TMEM272: variants seen among roughly 807,000 people sequenced by gnomAD.
TMEM272 encodes the protein long intergenic non-protein coding RNA 282.
In TMEM272, 8 loss-of-function variants were observed where a neutral mutation model predicts 3.7. That is an observed-to-expected ratio of 2.17 (90% CI 1.27 to 3.91). The LOEUF (loss-of-function observed/expected upper bound fraction) is 3.91, where lower values mean the gene tolerates loss of function less well. Ranked by LOEUF, TMEM272 falls within the 30% of genes most tolerant of loss-of-function variation. TMEM272 has a pLI of 0.00. For missense variants in TMEM272, 166 were observed against 91.5 expected (o/e 1.81, Z -3.32); for synonymous variants, 63 against 39.8 (o/e 1.58, Z -2.20).
the TMEM272 span, among the ~76,000 whole-genome samples, chr13:51,877,935 A>G: frequency 6.6e-6 from 1 of 152,094 alleles, no homozygotes; most frequent in African/African-American, 2.4e-5. Context: ...CCCTCCTTGT[A>G]TTAGTTTGTT....
At chr13:51,839,327 T>C (rs1422997568) in intron 1 of TMEM272, among the ~76,000 whole-genome samples, 1 of 152,198 alleles carries the variant, frequency 6.6e-6, no homozygotes, top group Non-Finnish European at 1.5e-5. Flanking sequence ...TGAAATGAGG[T>C]AGCCCCGTAA....
At chr13:51,906,108 C>T in the TMEM272 span, among the ~76,000 whole-genome samples, 1 of 152,152 alleles carries the variant, frequency 6.6e-6, no homozygotes, top group African/African-American at 2.4e-5. Context: ...AATGGTGGAC[C>T]AGGCTGGGGT....
At chr13:51,890,092 A>C in the TMEM272 span, among the ~76,000 whole-genome samples, 1 of 152,208 alleles carries the variant, frequency 6.6e-6, no homozygotes. Flanking sequence ...ACCTCAGCTC[A>C]GAGTGAGCTA....
At chr13:51,910,698 G>C in the TMEM272 span, 1 of 410,732 alleles carries the variant, frequency 2.4e-6, no homozygotes, top group East Asian at 5.9e-5. Context: ...AGAATACACA[G>C]CCTTCTGTTC....
chr13:51,908,965 C>A, the TMEM272 span: 1 of 1,403,288 alleles, frequency 7.1e-7, no homozygotes, highest in African/African-American at 1.4e-5. Flanking sequence ...GGGTCTCTTC[C>A]TCCTCCCCCT....
chr13:51,881,061 G>A, the TMEM272 span, among the ~76,000 whole-genome samples: 32 of 152,206 alleles, frequency 2.1e-4, no homozygotes, highest in Admixed American at 4.6e-4. Context: ...CATAGCCAGA[G>A]TAAAAAGAGG....
At chr13:51,828,167 G>A (rs1956143788) in intron 2 of TMEM272, among the ~76,000 whole-genome samples, 1 of 152,220 alleles carries the variant, frequency 6.6e-6, no homozygotes. Context: ...GCCATTTATA[G>A]GAGCCAATAA....
chr13:51,835,892 G>A (rs1593597594), intron 2 of TMEM272, among the ~76,000 whole-genome samples: 1 of 152,270 alleles, frequency 6.6e-6, no homozygotes, highest in East Asian at 1.9e-4. Context: ...TATTAATATA[G>A]TACCTTAGTA....
chr13:51,826,665 C>A (rs758749098), intron 2 of TMEM272, 40 bp from the exon 3 acceptor site: 19 of 702,322 alleles, frequency 2.7e-5, no homozygotes, highest in Non-Finnish European at 4.9e-5. Flanking sequence ...GTTAGAAACA[C>A]ACAGACCCCT....
the TMEM272 span, among the ~76,000 whole-genome samples, chr13:51,899,530 T>C: frequency 1.1e-5 from 1 of 90,894 alleles, no homozygotes; most frequent in African/African-American, 3.4e-5. Flanking sequence ...AGACATGCCA[T>C]GTTCATGAAT....
the TMEM272 span, among the ~76,000 whole-genome samples, chr13:51,894,807 A>G: frequency 6.6e-6 from 1 of 152,024 alleles, no homozygotes; most frequent in Non-Finnish European, 1.5e-5. Context: ...CTTGATTTCT[A>G]TTATTATTAC....
chr13:51,891,667 G>A, the TMEM272 span, among the ~76,000 whole-genome samples: 3 of 152,184 alleles, frequency 2.0e-5, no homozygotes, highest in South Asian at 2.1e-4. Context: ...ACATCTGCAC[G>A]AAGGATTCCG....
the TMEM272 span, chr13:51,909,617 T>C: frequency 4.5e-4 from 597 of 1,324,604 alleles, 1 homozygote; most frequent in Non-Finnish European, 9.9e-5. Flanking sequence ...TGAATATAAA[T>C]TGGTTTCTTT....
At chr13:51,866,390 G>A in the TMEM272 span, among the ~76,000 whole-genome samples, 1 of 152,164 alleles carries the variant, frequency 6.6e-6, no homozygotes, top group Non-Finnish European at 1.5e-5. Flanking sequence ...CTCTTTAAGA[G>A]TCAAAATGGG....
the TMEM272 span, among the ~76,000 whole-genome samples, chr13:51,865,126 A>C: frequency 6.6e-6 from 1 of 152,192 alleles, no homozygotes; most frequent in Admixed American, 6.5e-5. Flanking sequence ...CGTTTTTAGC[A>C]GCCTTGAGCT....
chr13:51,898,939 C>T, the TMEM272 span, among the ~76,000 whole-genome samples: 1 of 152,158 alleles, frequency 6.6e-6, no homozygotes, highest in Non-Finnish European at 1.5e-5. Flanking sequence ...TCTCACAGTA[C>T]TAAACCTGTT....
chr13:51,889,791 G>A, the TMEM272 span, among the ~76,000 whole-genome samples: 4 of 152,042 alleles, frequency 2.6e-5, no homozygotes, highest in Non-Finnish European at 4.4e-5. Flanking sequence ...ACAGGCATGC[G>A]CCACCACGCC....
the TMEM272 span, among the ~76,000 whole-genome samples, chr13:51,904,130 A>G: frequency 6.6e-6 from 1 of 152,148 alleles, no homozygotes; most frequent in African/African-American, 2.4e-5. Context: ...CTTCTCATTC[A>G]CCATCAGCAT....
the TMEM272 span, chr13:51,921,523 A>C: frequency 6.6e-5 from 10 of 152,240 alleles, no homozygotes; most frequent in African/African-American, 2.2e-4. Context: ...AGGCAAGGGA[A>C]TCTACCGAGG....
Sources: allele counts gnomAD v4.1 joint callset (sites outside exome capture counted in the v4.1 genomes callset), GRCh38; gene constraint gnomAD v4.1.1; transcripts MANE v1.5; gene names NCBI Gene and HGNC (gene_info 2026-07-23, HGNC 2026-07-21).